Variants in TSNARE1 observed in about 807,000 individuals in gnomAD.
TSNARE1 encodes t-SNARE domain-containing protein 1.
Under a neutral mutation model 62.0 loss-of-function variants are expected in TSNARE1, and 49 were observed. The observed-to-expected ratio is 0.79, with a 90% CI of 0.63 to 1.00. The LOEUF is 1.00. Ranked by LOEUF, TSNARE1 falls within the 50% of genes least tolerant of loss-of-function variation. TSNARE1 has a pLI of 0.00. For missense variants in TSNARE1, 755 were observed against 700.1 expected (o/e 1.08, Z -0.88); for synonymous variants, 328 against 294.4 (o/e 1.11, Z -1.17).
intron 1 of TSNARE1, among the ~76,000 whole-genome samples, chr8:142,360,042 G>A (rs35947337): frequency 0.28 from 42,540 of 152,232 alleles, 7,757 homozygotes; most frequent in African/African-American, 0.52. Flanking sequence ...GAAGGCAGCC[G>A]GGCACTGTGG....
Position 142,277,920 on chromosome 8 carries a change from ACAC to A in TSNARE1, c.1364-3060_1364-3058del, listed in dbSNP as rs532300046. The A allele has an allele frequency of 4.8e-3, 4,741 of 985,234 alleles. 17 individuals carry two copies. The highest frequency in any genetic ancestry group is 5.4e-3 in the Non-Finnish European group (4,462 of 829,880). The allele number at this position is 985,234 out of a possible 1,614,324, so 61.0% of individuals were successfully genotyped here. Reference sequence around the variant, plus strand: ...TGCCAGGCCCCTCCTTCTCAGCCCCACACCACATGTCTATCCTTGCCATGAAGC... The same window carrying A: ...TGCCAGGCCCCTCCTTCTCAGCCCCACACATGTCTATCCTTGCCATGAAGC... On this transcript the variant is annotated intron_variant, in intron 11 of 13. Coordinates refer to ENST00000524325, the MANE Select transcript of TSNARE1 (RefSeq NM_145003.5).
chr8:142,380,003 G>A (rs945664537), intron 1 of TSNARE1, among the ~76,000 whole-genome samples: 9 of 152,192 alleles, frequency 5.9e-5, no homozygotes, highest in African/African-American at 2.2e-4. Flanking sequence ...GGAGGGAGAG[G>A]GCAGGAGAAC....
intron 13 of TSNARE1, among the ~76,000 whole-genome samples, chr8:142,229,159 G>T (rs1816976124): frequency 6.6e-6 from 1 of 151,948 alleles, no homozygotes. Context: ...AAGGTGGATG[G>T]ATGAATGGAG....
intron 6 of TSNARE1, among the ~76,000 whole-genome samples, 153 bp downstream of exon 6, chr8:142,330,748 G>A (rs764210546): frequency 4.5e-4 from 65 of 143,352 alleles, no homozygotes; most frequent in Non-Finnish European, 6.6e-4. Flanking sequence ...ATCCGCAGGC[G>A]TGTGTGCATA....
upstream of TSNARE1, chr8:142,405,850 C>T: frequency 6.5e-6 from 1 of 152,732 alleles, no homozygotes; most frequent in Non-Finnish European, 1.5e-5. Flanking sequence ...AGCCCACGGG[C>T]ACTCAGTCCT....
chr8:142,378,239 G>A (rs779152829), intron 1 of TSNARE1, among the ~76,000 whole-genome samples: 12 of 152,192 alleles, frequency 7.9e-5, no homozygotes, highest in Non-Finnish European at 1.5e-4. Context: ...AGGCGCGGAC[G>A]CCACACCCAC....
chr8:142,331,806 G>A lies in TSNARE1; in HGVS notation c.771C>T (p.Leu257=). The A allele has an allele frequency of 1.9e-6, 3 of 1,609,144 alleles. No individual in the cohort carries two copies. Among genetic ancestry groups the A allele is most frequent in the African/African-American group, 2.7e-5 (2 of 74,932 alleles). Residue 257 remains leucine (L), a synonymous_variant, in exon 5 of 14, where the codon CTC becomes CTT. Coordinates refer to ENST00000524325, the MANE Select transcript of TSNARE1 (RefSeq NM_145003.5). ...PRATQVDPCN[L]QELFQEMSAN... ...CCGACATCTCCTGGAACAGCTCCTG[G>A]AGGTTGCACGGATCGACCTGGGTGG...
At chr8:142,394,007 G>T (rs116290962) in intron 1 of TSNARE1, among the ~76,000 whole-genome samples, 2 of 152,314 alleles carry the variant, frequency 1.3e-5, no homozygotes, top group Non-Finnish European at 2.9e-5. Context: ...TGTTCATTAC[G>T]AAAGCAAAAC....
chr8:142,271,546 G>A (rs2130497171), intron 12 of TSNARE1: 2 of 1,383,860 alleles, frequency 1.4e-6, no homozygotes, highest in Non-Finnish European at 1.9e-6. Flanking sequence ...GTGGGGTGGA[G>A]GCTGGGGAAG....
At chr8:142,237,562 A>G (rs556144990) in intron 12 of TSNARE1, among the ~76,000 whole-genome samples, 2 of 152,168 alleles carry the variant, frequency 1.3e-5, no homozygotes, top group Non-Finnish European at 2.9e-5. Context: ...TTCCTTATCA[A>G]TCGAACATTT....
chr8:142,271,097 T>C, intron 12 of TSNARE1: 1 of 985,868 alleles, frequency 1.0e-6, no homozygotes, highest in South Asian at 4.7e-5. Flanking sequence ...CTATATCTCC[T>C]CCTCCACCTT....
At chr8:142,253,081 G>A (rs974173708) in intron 12 of TSNARE1, among the ~76,000 whole-genome samples, 4 of 152,196 alleles carry the variant, frequency 2.6e-5, no homozygotes, top group Non-Finnish European at 2.9e-5. Context: ...GCCCACTCCC[G>A]GGTGCAGTAT....
intron 1 of TSNARE1, among the ~76,000 whole-genome samples, chr8:142,380,673 G>A (rs919010334): frequency 6.6e-6 from 1 of 152,128 alleles, no homozygotes; most frequent in East Asian, 1.9e-4. Flanking sequence ...AGCAAGTGTG[G>A]AAACAAGCTG....
intron 1 of TSNARE1, among the ~76,000 whole-genome samples, chr8:142,356,320 G>A (rs527652701): frequency 1.3e-5 from 2 of 152,294 alleles, no homozygotes; most frequent in East Asian, 1.9e-4. Context: ...CGCATCCCAG[G>A]TACCTGCCCA....
intron 11 of TSNARE1, chr8:142,276,136 G>T (rs1341531171): frequency 2.0e-6 from 2 of 985,328 alleles, no homozygotes; most frequent in African/African-American, 1.7e-5. Flanking sequence ...GCATCTGGGG[G>T]CTCCTGCCCT....
At chr8:142,363,655 AC>A (rs1264752628) in intron 1 of TSNARE1, among the ~76,000 whole-genome samples, 1 of 152,030 alleles carries the variant, frequency 6.6e-6, no homozygotes, top group African/African-American at 2.4e-5. Context: ...GACACCACGA[AC>A]TGGTCCCCAC....
At chr8:142,288,185 C>A (rs753188272) in intron 10 of TSNARE1, among the ~76,000 whole-genome samples, 1 of 152,200 alleles carries the variant, frequency 6.6e-6, no homozygotes, top group African/African-American at 2.4e-5. Flanking sequence ...GGGTCCAGTG[C>A]CTTTCAGGGG....
intron 1 of TSNARE1, among the ~76,000 whole-genome samples, chr8:142,366,978 C>T (rs1053910578): frequency 7.2e-5 from 11 of 152,132 alleles, no homozygotes; most frequent in Non-Finnish European, 1.5e-4. Context: ...TATACAGAAA[C>T]CAGTCTGAGG....
At chr8:142,283,780 C>G (rs1363184158) in intron 11 of TSNARE1, among the ~76,000 whole-genome samples, 158 of 128,138 alleles carry the variant, frequency 1.2e-3, no homozygotes, top group East Asian at 6.0e-3. Flanking sequence ...CGTCAATGAA[C>G]AGAGGCGGGG....
Sources: allele counts gnomAD v4.1 joint callset (sites outside exome capture counted in the v4.1 genomes callset), GRCh38; gene constraint gnomAD v4.1.1; transcripts MANE v1.5; gene names NCBI Gene and HGNC (gene_info 2026-07-23, HGNC 2026-07-21).